BRAF: variants seen among roughly 807,000 people sequenced by gnomAD.
BRAF encodes B-Raf proto-oncogene, serine/threonine kinase, also known as serine/threonine-protein kinase B-raf.
Under a neutral mutation model 104.6 loss-of-function variants are expected in BRAF, and 16 were observed. That is an observed-to-expected ratio of 0.15 (90% CI 0.10 to 0.23). The LOEUF (loss-of-function observed/expected upper bound fraction) is 0.23. Ranked by LOEUF, BRAF falls within the 10% of genes least tolerant of loss-of-function variation. The pLI, the probability that BRAF is intolerant of heterozygous loss-of-function variation, is 1.00. For synonymous variants in BRAF, 310 were observed against 341.6 expected, an observed-to-expected ratio of 0.91 and a Z score of 1.02; for missense variants, 541 against 937.3, an observed-to-expected ratio of 0.58 and a Z score of 5.52.
At chr7:140,796,022 C>T (rs948559186) in intron 7 of BRAF, among the ~76,000 whole-genome samples, 3 of 152,042 alleles carry the variant, frequency 2.0e-5, no homozygotes, top group African/African-American at 4.8e-5. Context: ...AGAAAGGGCA[C>T]TGACTGACTG....
At position 140,880,326 on chromosome 7, in the gene BRAF, C is replaced by G. The variant is rs181146321; in HGVS notation, c.139-30114G>C. Among the ~76,000 whole-genome samples, 16 of 152,334 alleles carry G rather than the reference C, an allele frequency of 1.1e-4. No homozygotes were observed. The South Asian group carries it at 1.4e-3, about 14-fold the overall frequency. ...ATCTATAAGAAGCAACTTCTCATTT[C>G]TTCAAGTTTTACCATGACATTGTAG... On this transcript the variant is annotated intron_variant, in intron 1 of 19. Coordinates refer to ENST00000644969, the MANE Select transcript of BRAF (RefSeq NM_001374258.1).
At chr7:140,847,936 T>G (rs1040292091) in intron 2 of BRAF, among the ~76,000 whole-genome samples, 1 of 152,200 alleles carries the variant, frequency 6.6e-6, no homozygotes, top group Non-Finnish European at 1.5e-5. Flanking sequence ...ATACACATAA[T>G]ACACACACAT....
intron 1 of BRAF, among the ~76,000 whole-genome samples, chr7:140,904,479 A>G (rs188323500): frequency 5.9e-5 from 9 of 152,296 alleles, no homozygotes; most frequent in East Asian, 1.9e-4. Flanking sequence ...CTTCGTATCT[A>G]AAGACATAAC....
intron 1 of BRAF, among the ~76,000 whole-genome samples, chr7:140,906,445 G>A (rs1351265762): frequency 6.6e-6 from 1 of 152,152 alleles, no homozygotes; most frequent in Non-Finnish European, 1.5e-5. Context: ...CAGGCAATCT[G>A]CCCGCCTCAG....
At chr7:140,916,021 T>A (rs1351834555) in intron 1 of BRAF, among the ~76,000 whole-genome samples, 9 of 152,072 alleles carry the variant, frequency 5.9e-5, no homozygotes, top group African/African-American at 1.2e-4. Context: ...GGATTTTTTT[T>A]AAAAACTCTG....
chr7:140,789,203 C>T (rs1240960565), intron 8 of BRAF, among the ~76,000 whole-genome samples: 1 of 149,118 alleles, frequency 6.7e-6, no homozygotes, highest in East Asian at 2.0e-4. Context: ...AGTGAGACTC[C>T]ATCACAGAAA....
intron 3 of BRAF, among the ~76,000 whole-genome samples, chr7:140,828,509 G>C (rs1806328409): frequency 6.6e-6 from 1 of 152,064 alleles, no homozygotes. Flanking sequence ...CTAGAATATT[G>C]CAATGTGATA....
At chr7:140,754,036 C>G in intron 15 of BRAF, 151 bp downstream of exon 14, 1 of 791,966 alleles carries the variant, frequency 1.3e-6, no homozygotes, top group Non-Finnish European at 2.1e-6. Context: ...GTATCCTGCT[C>G]TCCTATACAT....
chr7:140,774,343 C>A (rs1463274698), intron 14 of BRAF, among the ~76,000 whole-genome samples: 1 of 152,208 alleles, frequency 6.6e-6, no homozygotes, highest in Non-Finnish European at 1.5e-5. Flanking sequence ...AAAGTTTACA[C>A]TGATAATCCC....
chr7:140,717,103 T>C (rs1321315241), downstream of BRAF, among the ~76,000 whole-genome samples: 1 of 152,330 alleles, frequency 6.6e-6, no homozygotes, highest in Admixed American at 6.5e-5. Flanking sequence ...CTCACTGTCA[T>C]GGAGTCAATA....
At chr7:140,814,302 C>T (rs1475115205) in intron 3 of BRAF, among the ~76,000 whole-genome samples, 2 of 152,132 alleles carry the variant, frequency 1.3e-5, no homozygotes, top group Admixed American at 1.3e-4. Flanking sequence ...TTAAAGTGAA[C>T]TGAAATTATC....
chr7:140,714,629 G>T (rs554838339), downstream of BRAF, among the ~76,000 whole-genome samples: 3 of 152,292 alleles, frequency 2.0e-5, no homozygotes, highest in South Asian at 6.2e-4. Flanking sequence ...CCAAAGTGCT[G>T]AGATTACAGG....
rs1378928920 is a variant in BRAF, at chr7:140,722,745, C to T, written c.*3749G>A. 1 of 1,050,566 alleles carries T rather than the reference C, an allele frequency of 9.5e-7. No individual in the cohort carries two copies. The allele number at this position is 1,050,566 out of a possible 1,614,324, so 65.1% of individuals were successfully genotyped here. A position where few individuals can be genotyped will look rare whatever the true frequency, so the allele number is the denominator to read the frequency against. On this transcript the variant is annotated 3_prime_UTR_variant, in exon 20 of 20. Transcript: ENST00000644969. ...GCAGCAAACTCATTATGAGGATGTACTGTCATGCCAAGCCTACTGAAAATT... is the reference window on the plus strand; with the variant it reads ...GCAGCAAACTCATTATGAGGATGTATTGTCATGCCAAGCCTACTGAAAATT...
intron 16 of BRAF, among the ~76,000 whole-genome samples, chr7:140,751,432 A>C (rs1266926392): frequency 6.6e-6 from 1 of 152,170 alleles, no homozygotes; most frequent in Non-Finnish European, 1.5e-5. Flanking sequence ...TGTATGCCTT[A>C]ATAAAGGTGC....
intron 1 of BRAF, among the ~76,000 whole-genome samples, chr7:140,912,486 A>G (rs1320474565): frequency 6.6e-6 from 1 of 151,668 alleles, no homozygotes; most frequent in African/African-American, 2.4e-5. Flanking sequence ...TGCTTCAGCA[A>G]TTCTTCTCTC....
intron 2 of BRAF, chr7:140,835,118 T>C: frequency 2.0e-6 from 1 of 504,766 alleles, no homozygotes; most frequent in Non-Finnish European, 3.5e-6. Context: ...ATGTGATATC[T>C]AGATGGTCCA....
intron 18 of BRAF, 61 bp downstream of exon 17, chr7:140,739,751 C>T (rs939706621): frequency 6.2e-7 from 1 of 1,601,358 alleles, no homozygotes; most frequent in Non-Finnish European, 8.5e-7. Context: ...CAAAAAAGTG[C>T]TCAGAAATCT....
intron 3 of BRAF, 152 bp from the exon 4 acceptor site, chr7:140,809,147 G>A: frequency 2.6e-5 from 16 of 615,620 alleles, no homozygotes; most frequent in East Asian, 5.7e-5. Context: ...AATACTAAAG[G>A]GAAATTATAA....
intron 1 of BRAF, among the ~76,000 whole-genome samples, chr7:140,897,252 T>C (rs1042807014): frequency 1.1e-4 from 16 of 152,000 alleles, no homozygotes; most frequent in African/African-American, 7.2e-5. Context: ...GGTTAAGAAG[T>C]AGCCCAGAAA....
Sources: allele counts gnomAD v4.1 joint callset (sites outside exome capture counted in the v4.1 genomes callset), GRCh38; gene constraint gnomAD v4.1.1; transcripts MANE v1.5; gene names NCBI Gene and HGNC (gene_info 2026-07-23, HGNC 2026-07-21).